The following PDE7B variants were observed in gnomAD, a reference collection of about 807,000 sequenced individuals.
PDE7B encodes phosphodiesterase 7B.
In PDE7B, 29 loss-of-function variants were observed where a neutral mutation model predicts 56.2. The observed-to-expected ratio is 0.52, with a 90% CI of 0.38 to 0.70. The LOEUF is 0.70. Among genes scored for constraint, PDE7B ranks in the 30% least tolerant of loss-of-function variants. PDE7B has a pLI of 0.00. For synonymous variants in PDE7B, 197 were observed against 196.9 expected, an observed-to-expected ratio of 1.00 and a Z score of 0.00; for missense variants, 490 against 565.0, an observed-to-expected ratio of 0.87 and a Z score of 1.35.
intron 1 of PDE7B, among the ~76,000 whole-genome samples, chr6:135,945,493 T>C (rs1406083186): frequency 6.6e-6 from 1 of 152,104 alleles, no homozygotes; most frequent in African/African-American, 2.4e-5. Context: ...CTCCACATAA[T>C]GTAGGCCATC....
At position 136,192,189 on chromosome 6, in the gene PDE7B, A is replaced by C; in HGVS notation, c.*349A>C. 1 of 315,082 alleles carries C rather than the reference A, an allele frequency of 3.2e-6. No homozygotes were observed. Among genetic ancestry groups the C allele is most frequent in the Non-Finnish European group, 6.1e-6 (1 of 164,998 alleles). The allele number at this position is 315,082 out of a possible 1,614,324, so 19.5% of individuals were successfully genotyped here. A position where few individuals can be genotyped will look rare whatever the true frequency, so the allele number is the denominator to read the frequency against. On this transcript the variant is annotated 3_prime_UTR_variant, in exon 13 of 13. Coordinates refer to ENST00000308191, the MANE Select transcript of PDE7B (RefSeq NM_018945.4). ...CGCACTGGAACAGGCAGCAATTCCT[A>C]AGTCCGGAGCGTTTGAGCGTTTGCT... is the stretch of plus-strand genomic sequence containing the variant.
At chr6:135,934,750 A>C (rs1167793828) in intron 1 of PDE7B, among the ~76,000 whole-genome samples, 1 of 119,132 alleles carries the variant, frequency 8.4e-6, no homozygotes, top group Non-Finnish European at 1.7e-5. Flanking sequence ...ATATATATAT[A>C]TATATTTTTT....
chr6:136,053,857 C>A (rs1776679489), intron 2 of PDE7B, among the ~76,000 whole-genome samples: 1 of 152,122 alleles, frequency 6.6e-6, no homozygotes, highest in Non-Finnish European at 1.5e-5. Flanking sequence ...CAAATGTCTT[C>A]TTTTGAGAAG....
intron 2 of PDE7B, among the ~76,000 whole-genome samples, chr6:135,997,486 CAT>C (rs1775588334): frequency 1.7e-5 from 2 of 116,250 alleles, no homozygotes; most frequent in Admixed American, 9.8e-5. Context: ...AAAAAGAACT[CAT>C]ATGCATTTAT....
At chr6:135,889,426 G>T (rs1467576329) in intron 1 of PDE7B, among the ~76,000 whole-genome samples, 1 of 136,662 alleles carries the variant, frequency 7.3e-6, no homozygotes, top group Admixed American at 7.4e-5. Context: ...CACCGCACCC[G>T]AATGGTGCTA....
At chr6:136,070,660 C>T (rs1032904032) in intron 2 of PDE7B, among the ~76,000 whole-genome samples, 5 of 152,100 alleles carry the variant, frequency 3.3e-5, no homozygotes, top group African/African-American at 9.6e-5. Flanking sequence ...TTTTTTAATA[C>T]GTTAAGATAC....
At chr6:136,156,193 G>GTGTGTGTGTGTC in intron 8 of PDE7B, 1 of 334,870 alleles carries the variant, frequency 3.0e-6, no homozygotes, top group Non-Finnish European at 5.8e-6. Flanking sequence ...GTGTGTGTGT[G>GTGTGTGTGTGTC]TGTGTGTGTT....
At chr6:136,002,527 C>T (rs1775691345) in intron 2 of PDE7B, among the ~76,000 whole-genome samples, 1 of 151,680 alleles carries the variant, frequency 6.6e-6, no homozygotes, top group African/African-American at 2.4e-5. Context: ...AAATGGAAAA[C>T]AAAAAAAGGC....
At chr6:136,119,328 G>T (rs1353132978) in intron 3 of PDE7B, among the ~76,000 whole-genome samples, 1 of 151,970 alleles carries the variant, frequency 6.6e-6, no homozygotes, top group Non-Finnish European at 1.5e-5. Context: ...TGTTCTTCTG[G>T]TTTTCTATTT....
chr6:135,958,189 G>A (rs150895089), intron 2 of PDE7B, among the ~76,000 whole-genome samples: 4,780 of 152,130 alleles, frequency 0.031, 260 homozygotes, highest in African/African-American at 0.11. Context: ...CCTAGATCGC[G>A]CCACTGCACT....
In PDE7B at chr6:136,046,495, C is replaced by T. The variant is rs1776510451; in HGVS notation, c.83-62236C>T. 4 of 152,384 alleles carry T rather than the reference C, an allele frequency of 2.6e-5. No individual in the cohort carries two copies. The South Asian group carries it at 6.2e-4, about 24-fold the overall frequency. 9.4% of individuals were successfully genotyped at this position (152,384 alleles called of 1,614,324 possible). A position where few individuals can be genotyped will look rare whatever the true frequency, so the allele number is the denominator to read the frequency against. On this transcript the variant is annotated intron_variant, in intron 2 of 12. Transcript: ENST00000308191. ...TCTTTGCTCCTCTCCAAGTTGGCAT[C>T]TGGGTGAATATGTGCCTTGGGTTCC... is the stretch of plus-strand genomic sequence containing the variant.
intron 2 of PDE7B, among the ~76,000 whole-genome samples, chr6:136,021,343 C>T (rs937653655): frequency 1.3e-4 from 20 of 152,168 alleles, no homozygotes; most frequent in Non-Finnish European, 2.1e-4. Flanking sequence ...TCTAAAAATC[C>T]TACCTGCAAA....
chr6:135,921,381 G>A (rs2128195422), intron 1 of PDE7B, among the ~76,000 whole-genome samples: 1 of 152,256 alleles, frequency 6.6e-6, no homozygotes, highest in South Asian at 2.1e-4. Context: ...AGGCAGTTTT[G>A]TAAGCTTTAC....
At chr6:135,968,538 G>GA (rs1475332952) in intron 2 of PDE7B, among the ~76,000 whole-genome samples, 1 of 152,152 alleles carries the variant, frequency 6.6e-6, no homozygotes, top group African/African-American at 2.4e-5. Flanking sequence ...ACAAACAAAT[G>GA]AAAAATAGCT....
rs984357527 is a variant in PDE7B, at chr6:135,853,648, T to C, written c.21+1629T>C. Among the ~76,000 whole-genome samples the C allele has an allele frequency of 2.6e-5, 4 of 152,206 alleles. No homozygotes were observed. In the East Asian group the frequency reaches 7.7e-4, roughly 29 times the overall value. ...TACCTGACACTGTAAGCTGTCTAAT[T>C]TCAGAATGTACTCACTCTCTTGAAC... On this transcript the variant is annotated intron_variant, in intron 1 of 12. Coordinates refer to ENST00000308191, the MANE Select transcript of PDE7B (RefSeq NM_018945.4).
chr6:135,951,464 A>G (rs998767601), intron 2 of PDE7B, among the ~76,000 whole-genome samples: 5 of 152,182 alleles, frequency 3.3e-5, no homozygotes, highest in Admixed American at 2.6e-4. Context: ...ACTGTTGGGC[A>G]AAAAGAGCCC....
chr6:136,149,732 C>A (rs1033596571), intron 5 of PDE7B, among the ~76,000 whole-genome samples: 2 of 152,124 alleles, frequency 1.3e-5, no homozygotes, highest in Non-Finnish European at 2.9e-5. Flanking sequence ...TAATAAAAAA[C>A]CTATTATATT....
chr6:135,943,850 A>C (rs568517154), intron 1 of PDE7B, among the ~76,000 whole-genome samples: 16 of 152,342 alleles, frequency 1.1e-4, no homozygotes, highest in African/African-American at 2.6e-4. Context: ...GCAACAATGG[A>C]CATTACACAC....
chr6:136,129,564 G>A (rs1008551796), intron 3 of PDE7B, among the ~76,000 whole-genome samples: 1 of 152,134 alleles, frequency 6.6e-6, no homozygotes, highest in African/African-American at 2.4e-5. Flanking sequence ...GTGAGCTCCC[G>A]CTCTTGACAG....
Sources: allele counts gnomAD v4.1 joint callset (sites outside exome capture counted in the v4.1 genomes callset), GRCh38; gene constraint gnomAD v4.1.1; transcripts MANE v1.5; gene names NCBI Gene and HGNC (gene_info 2026-07-23, HGNC 2026-07-21).